SAMD12: variants seen among roughly 807,000 people sequenced by gnomAD.
SAMD12 encodes sterile alpha motif domain containing 12, also known as sterile alpha motif domain-containing protein 12.
SAMD12 carries 9 observed loss-of-function variants against 15.0 expected under a neutral mutation model. The ratio of observed to expected loss-of-function variants is 0.60; its 90% CI spans 0.36 to 1.05. The LOEUF is 1.05. Among genes scored for constraint, SAMD12 ranks in the 50% least tolerant of loss-of-function variants. The probability of loss-of-function intolerance (pLI) is 0.01; values close to 1 mark genes in which losing one functional copy is unlikely to be tolerated. For missense variants in SAMD12, 230 were observed against 234.2 expected (o/e 0.98, Z 0.12); for synonymous variants, 86 against 90.1 (o/e 0.96, Z 0.25).
At position 118,379,038 on chromosome 8, in the gene SAMD12, A is replaced by T. The variant is rs11992702; in HGVS notation, c.*379T>A. ...TGTGTATAATACATTCATGTATAGT[A>T]ATACATATCTAAAATGTTTTTCTCC... On this transcript the variant is annotated 3_prime_UTR_variant, in exon 4 of 4. Transcript: ENST00000314727. 441,467 of 1,024,182 alleles carry T rather than the reference A, an allele frequency of 0.43. 98,332 individuals are homozygous for T. Among genetic ancestry groups the T allele is most frequent in the African/African-American group, 0.66 (39,042 of 59,416 alleles). 63.4% of individuals were successfully genotyped at this position (1,024,182 alleles called of 1,614,324 possible). A position where few individuals can be genotyped will look rare whatever the true frequency, so the allele number is the denominator to read the frequency against.
intron 2 of SAMD12, among the ~76,000 whole-genome samples, chr8:118,485,703 T>C (rs772024999): frequency 1.3e-5 from 2 of 152,192 alleles, no homozygotes; most frequent in Non-Finnish European, 2.9e-5. Flanking sequence ...TTCAGTAATA[T>C]GGATTTCGAT....
chr8:118,357,209 T>C (rs548938318), intron 4 of SAMD12, among the ~76,000 whole-genome samples: 1 of 152,180 alleles, frequency 6.6e-6, no homozygotes, highest in Non-Finnish European at 1.5e-5. Context: ...TTAATAATGA[T>C]GTATATTTCA....
At chr8:118,234,375 G>C (rs1812382203) in intron 4 of SAMD12, among the ~76,000 whole-genome samples, 1 of 152,000 alleles carries the variant, frequency 6.6e-6, no homozygotes, top group African/African-American at 2.4e-5. Context: ...TTTGCATTTA[G>C]AACTTGTCTT....
intron 4 of SAMD12, among the ~76,000 whole-genome samples, chr8:118,335,327 C>T (rs561446876): frequency 3.2e-4 from 49 of 152,230 alleles, no homozygotes; most frequent in African/African-American, 1.1e-3. Flanking sequence ...CGCAGCTTTC[C>T]ACCAGGATCA....
chr8:118,274,174 C>A (rs181222665), intron 4 of SAMD12, among the ~76,000 whole-genome samples: 1 of 152,128 alleles, frequency 6.6e-6, no homozygotes, highest in African/African-American at 2.4e-5. Context: ...AAGAGTGCTG[C>A]ATGACATGAA....
At chr8:118,354,661 CATT>C (rs1818139212) in intron 4 of SAMD12, among the ~76,000 whole-genome samples, 1 of 152,226 alleles carries the variant, frequency 6.6e-6, no homozygotes, top group African/African-American at 2.4e-5. Flanking sequence ...AGCCACATGT[CATT>C]AGTGGCTGCT....
At position 118,488,374 on chromosome 8, in the gene SAMD12, T is replaced by G. The variant is rs894110286; in HGVS notation, c.193-48413A>C. ...TATTTTAATTTATTATTGCTTTTAC[T>G]TTTTTGAGGTATGAAAACAGGAAGG... On this transcript the variant is annotated intron_variant, in intron 2 of 3. Coordinates refer to ENST00000314727, the MANE Select transcript of SAMD12 (RefSeq NM_207506.3). Among the ~76,000 whole-genome samples the G allele has an allele frequency of 2.0e-5, 3 of 152,322 alleles. No individual in the cohort carries two copies. The East Asian group carries it at 5.8e-4, about 29-fold the overall frequency.
At chr8:118,371,304 G>A (rs1037670665) in intron 4 of SAMD12, among the ~76,000 whole-genome samples, 1 of 152,162 alleles carries the variant, frequency 6.6e-6, no homozygotes, top group South Asian at 2.1e-4. Context: ...ATAGAAGTGG[G>A]AAGTTAATTG....
chr8:118,420,027 A>C (rs1821923355), intron 3 of SAMD12, among the ~76,000 whole-genome samples: 1 of 152,242 alleles, frequency 6.6e-6, no homozygotes, highest in Admixed American at 6.5e-5. Flanking sequence ...AAACTTTCAA[A>C]GAAATTACAC....
chr8:118,429,787 G>A (rs1252998385), intron 3 of SAMD12, among the ~76,000 whole-genome samples: 10 of 152,138 alleles, frequency 6.6e-5, no homozygotes, highest in Middle Eastern at 3.4e-3. Context: ...CCAGCTACTC[G>A]GGAGGCTGAG....
intron 2 of SAMD12, among the ~76,000 whole-genome samples, chr8:118,512,880 C>T (rs1261341155): frequency 6.6e-6 from 1 of 152,194 alleles, no homozygotes; most frequent in African/African-American, 2.4e-5. Flanking sequence ...TCCCAATCTT[C>T]CAGTCAGTTT....
At position 118,222,219 on chromosome 8, in the gene SAMD12, G is replaced by A. The variant is rs1255918059; in HGVS notation, c.434-24487C>T. Among the ~76,000 whole-genome samples, 4 of 152,156 alleles carry A rather than the reference G, an allele frequency of 2.6e-5. No individual in the cohort carries two copies. The East Asian group carries it at 7.7e-4, about 29-fold the overall frequency. On this transcript the variant is annotated intron_variant, in intron 4 of 4. Coordinates refer to the SAMD12 transcript ENST00000409003. Reference sequence around the variant, plus strand: ...CAGGGAAAGCAAGAGGAGGAGGACTGGGTTTTTTTCAAGAGCAGAAGATAA... The same window carrying A: ...CAGGGAAAGCAAGAGGAGGAGGACTAGGTTTTTTTCAAGAGCAGAAGATAA...
At chr8:118,265,810 G>T (rs1047110194) in intron 4 of SAMD12, among the ~76,000 whole-genome samples, 3 of 151,528 alleles carry the variant, frequency 2.0e-5, no homozygotes, top group South Asian at 4.2e-4. Flanking sequence ...CTGAAGGGAA[G>T]GTTTACAGGT....
At chr8:118,568,986 T>A (rs115243211) in intron 2 of SAMD12, among the ~76,000 whole-genome samples, 1 of 152,196 alleles carries the variant, frequency 6.6e-6, no homozygotes, top group African/African-American at 2.4e-5. Context: ...TAAATAGGTA[T>A]TCTTATTAAT....
At chr8:118,376,073 C>T (rs551533557), downstream of SAMD12, among the ~76,000 whole-genome samples, 173 of 152,258 alleles carry the variant, frequency 1.1e-3, 1 homozygote, top group African/African-American at 4.1e-3. Context: ...ATTTAATTCA[C>T]TATTCCCCTC....
intron 2 of SAMD12, among the ~76,000 whole-genome samples, chr8:118,577,230 C>A (rs948458565): frequency 1.3e-5 from 2 of 152,252 alleles, no homozygotes; most frequent in South Asian, 2.1e-4. Context: ...TGTGGCCAGA[C>A]AACCTTTTTC....
intron 3 of SAMD12, chr8:118,395,066 T>G (rs960089036): frequency 1.3e-5 from 2 of 152,136 alleles, no homozygotes; most frequent in Non-Finnish European, 2.9e-5. Flanking sequence ...ATAGGAATAT[T>G]TATGAAGATT....
intron 4 of SAMD12, among the ~76,000 whole-genome samples, chr8:118,202,590 A>G (rs2514747): frequency 0.52 from 78,308 of 152,034 alleles, 21,669 homozygotes; most frequent in Non-Finnish European, 0.62. Context: ...TAACTCCAGC[A>G]CACAGGGCTG....
intron 4 of SAMD12, among the ~76,000 whole-genome samples, chr8:118,347,804 A>T (rs1243840717): frequency 6.6e-6 from 1 of 152,196 alleles, no homozygotes; most frequent in Non-Finnish European, 1.5e-5. Flanking sequence ...ACTAGCTCTT[A>T]CATAGCTCTT....
Sources: allele counts gnomAD v4.1 joint callset (sites outside exome capture counted in the v4.1 genomes callset), GRCh38; gene constraint gnomAD v4.1.1; transcripts MANE v1.5; gene names NCBI Gene and HGNC (gene_info 2026-07-23, HGNC 2026-07-21).